The following MITF variants were observed in gnomAD, a reference collection of about 807,000 sequenced individuals.
MITF encodes the protein microphthalmia-associated transcription factor.
Under a neutral mutation model 60.5 loss-of-function variants are expected in MITF, and 17 were observed. That is an observed-to-expected ratio of 0.28 (90% confidence interval 0.19 to 0.42). MITF has a LOEUF of 0.42. Ranked by LOEUF, MITF falls within the 10% of genes least tolerant of loss-of-function variation. The pLI, the probability that MITF is intolerant of heterozygous loss-of-function variation, is 1.00. For missense variants in MITF, 622 were observed against 683.5 expected (o/e 0.91, Z 1.00); for synonymous variants, 260 against 248.5 (o/e 1.05, Z -0.43).
At chr3:69,754,625 C>CTT (rs112128068) in intron 1 of MITF, among the ~76,000 whole-genome samples, 9 of 144,386 alleles carry the variant, frequency 6.2e-5, no homozygotes, top group East Asian at 2.1e-4. Context: ...TTACATCTCT[C>CTT]TTTTTTTTTT....
rs1019214606 is a variant in MITF at position 69,745,584 on chromosome 3, C to T, written c.104+5883C>T. On this transcript the variant is annotated intron_variant, in intron 1 of 9. Transcript: ENST00000352241. ...GTTAGACATCTTGGAGGGCATGGTC[C>T]TAAAGTAGACATTTAGGGTTTCCGT... is the stretch of plus-strand genomic sequence containing the variant. 6.6e-5 allele frequency among the ~76,000 whole-genome samples: 10 copies of T among 152,284 alleles called. No homozygotes were observed. The South Asian group carries it at 2.1e-3, about 32-fold the overall frequency.
chr3:69,915,760 T>C (rs1331056010), intron 2 of MITF, among the ~76,000 whole-genome samples: 2 of 152,184 alleles, frequency 1.3e-5, no homozygotes, highest in African/African-American at 4.8e-5. Context: ...TGGAGAGCAA[T>C]GGAAGCCTGC....
At chr3:69,904,595 G>A (rs142490041) in intron 2 of MITF, among the ~76,000 whole-genome samples, 189 of 152,140 alleles carry the variant, frequency 1.2e-3, no homozygotes, top group African/African-American at 4.3e-3. Context: ...CACTCCTTCC[G>A]TAGAATTTGG....
At position 69,967,142 on chromosome 3, in the gene MITF, G is replaced by A. The variant is rs775354525; in HGVS notation, c.*1894G>A. On this transcript the variant is annotated 3_prime_UTR_variant, in exon 10 of 10. Coordinates refer to ENST00000352241, the MANE Select transcript of MITF (RefSeq NM_001354604.2). The stretch of plus-strand genomic sequence containing the variant: ...GTGATCGTCAGATGTGTGAATGGAC[G>A]GTTTAGGTGAAAATAATCAACTGCA... The A allele has an allele frequency of 1.3e-5, 3 of 232,386 alleles. No individual in the cohort carries two copies. Among genetic ancestry groups the A allele is most frequent in the Non-Finnish European group, 2.6e-5 (3 of 117,342 alleles). The allele number at this position is 232,386 out of a possible 1,614,324, so 14.4% of individuals were successfully genotyped here. A position where few individuals can be genotyped will look rare whatever the true frequency, so the allele number is the denominator to read the frequency against.
intron 1 of MITF, among the ~76,000 whole-genome samples, chr3:69,817,388 G>A (rs1268220369): frequency 6.6e-6 from 1 of 152,118 alleles, no homozygotes; most frequent in African/African-American, 2.4e-5. Context: ...ATTAGTACTA[G>A]TGTACGTATT....
At chr3:69,761,617 G>A (rs2062213686) in intron 1 of MITF, among the ~76,000 whole-genome samples, 1 of 152,136 alleles carries the variant, frequency 6.6e-6, no homozygotes, top group Admixed American at 6.5e-5. Context: ...CTCAGGGTGT[G>A]GTTGCACATT....
intron 1 of MITF, among the ~76,000 whole-genome samples, chr3:69,775,810 T>C (rs2062464636): frequency 6.6e-6 from 1 of 152,094 alleles, no homozygotes; most frequent in African/African-American, 2.4e-5. Context: ...AAGAGCAGAG[T>C]TACCTACTGT....
chr3:69,763,421 C>G (rs1230466642), intron 1 of MITF: 1 of 648,708 alleles, frequency 1.5e-6, no homozygotes, highest in Admixed American at 5.5e-5. Flanking sequence ...TCTATTTTAC[C>G]TTTTATGATT....
At chr3:69,763,596 G>A (rs539334815) in intron 1 of MITF, 265 of 1,203,398 alleles carry the variant, frequency 2.2e-4, no homozygotes, top group Middle Eastern at 3.0e-4. Flanking sequence ...GCACGTAAGC[G>A]TGTGGCAGAA....
At chr3:69,924,508 A>C (rs1474613289) in intron 2 of MITF, among the ~76,000 whole-genome samples, 6 of 152,232 alleles carry the variant, frequency 3.9e-5, no homozygotes, top group African/African-American at 1.2e-4. Context: ...CACTGTGTGA[A>C]TATGTACAGG....
At chr3:69,888,066 G>A (rs538532084) in intron 2 of MITF, among the ~76,000 whole-genome samples, 1 of 152,194 alleles carries the variant, frequency 6.6e-6, no homozygotes, top group East Asian at 1.9e-4. Flanking sequence ...ATTTTTAAAA[G>A]TAGTTAAGAG....
rs1444263597 is a variant in MITF, at chr3:69,965,458, A to G, written c.*210A>G. 1.9e-6 allele frequency: 1 copy of G among 538,772 alleles called. No homozygotes were observed. The highest frequency in any genetic ancestry group is 3.1e-5 in the East Asian group (1 of 31,922). 33.4% of individuals were successfully genotyped at this position (538,772 alleles called of 1,614,324 possible). A position where few individuals can be genotyped will look rare whatever the true frequency, so the allele number is the denominator to read the frequency against. On this transcript the variant is annotated 3_prime_UTR_variant, in exon 10 of 10. Coordinates refer to ENST00000352241, the MANE Select transcript of MITF (RefSeq NM_001354604.2). ...TTACAACTACAAATGCCTCCAAAGTATTGTACAAATAAGTGTGCAGTATCT... is the reference window on the plus strand; with the variant it reads ...TTACAACTACAAATGCCTCCAAAGTGTTGTACAAATAAGTGTGCAGTATCT...
intron 1 of MITF, 47 bp from the exon 2 acceptor site, chr3:69,879,087 G>T (rs2064420617): frequency 1.3e-6 from 2 of 1,528,350 alleles, no homozygotes; most frequent in Non-Finnish European, 1.8e-6. Context: ...CAAACGAAGG[G>T]TCTCATTAGG....
At chr3:69,754,316 A>G (rs1027545726) in intron 1 of MITF, among the ~76,000 whole-genome samples, 1 of 151,886 alleles carries the variant, frequency 6.6e-6, no homozygotes, top group Non-Finnish European at 1.5e-5. Flanking sequence ...TCCTGGGTTC[A>G]AGTGATTCTC....
At chr3:69,821,810 G>A (rs1422750245) in intron 1 of MITF, among the ~76,000 whole-genome samples, 12 of 152,058 alleles carry the variant, frequency 7.9e-5, no homozygotes, top group South Asian at 2.1e-4. Context: ...GGAGTGCAGC[G>A]ACGTGATCTC....
chr3:69,801,782 A>C (rs2062923907), intron 1 of MITF, among the ~76,000 whole-genome samples: 1 of 152,162 alleles, frequency 6.6e-6, no homozygotes, highest in South Asian at 2.1e-4. Flanking sequence ...AAAATGGGCT[A>C]TAGAGTATGG....
chr3:69,760,872 A>G (rs756958084), intron 1 of MITF, among the ~76,000 whole-genome samples: 3 of 152,212 alleles, frequency 2.0e-5, no homozygotes, highest in Non-Finnish European at 4.4e-5. Flanking sequence ...AGCATATTAT[A>G]GTTATCAGAA....
intron 2 of MITF, 78 bp downstream of exon 2, chr3:69,879,461 T>A: frequency 1.3e-6 from 2 of 1,599,820 alleles, no homozygotes; most frequent in Non-Finnish European, 1.7e-6. Context: ...TTTATCTGAA[T>A]ATGTATTTTG....
intron 8 of MITF, among the ~76,000 whole-genome samples, chr3:69,957,639 A>C (rs918343407): frequency 2.0e-5 from 3 of 152,176 alleles, no homozygotes; most frequent in African/African-American, 7.2e-5. Flanking sequence ...TTGAAATTGA[A>C]TTCCCATTTT....
Sources: gnomAD v4.1 joint callset for allele counts (sites outside exome capture counted in the v4.1 genomes callset) on GRCh38, gnomAD v4.1.1 for gene constraint, MANE v1.5 for transcripts, NCBI Gene and HGNC (gene_info 2026-07-23, HGNC 2026-07-21) for gene names.